The following NIPBL variants were observed in gnomAD, a reference collection of about 807,000 sequenced individuals.
The protein encoded by NIPBL is nipped-B-like protein.
In NIPBL, 19 loss-of-function variants were observed where a neutral mutation model predicts 321.8. That is an observed-to-expected ratio of 0.06 (90% CI 0.04 to 0.09). NIPBL has a LOEUF of 0.09. Ranked by LOEUF, NIPBL falls within the 10% of genes least tolerant of loss-of-function variation. NIPBL has a pLI of 1.00. For synonymous variants in NIPBL, 1,106 were observed against 1,114.1 expected (o/e 0.99, Z 0.14); for missense variants, 2,210 against 3,327.0 (o/e 0.66, Z 8.26).
At chr5:36,941,714 A>G (rs1739081051) in intron 1 of NIPBL, among the ~76,000 whole-genome samples, 1 of 152,144 alleles carries the variant, frequency 6.6e-6, no homozygotes, top group Non-Finnish European at 1.5e-5. Context: ...TGTGTTTCAC[A>G]GTAAGTTTAC....
chr5:36,994,299 T>G (rs1745883662), intron 10 of NIPBL, among the ~76,000 whole-genome samples: 2 of 152,120 alleles, frequency 1.3e-5, no homozygotes, highest in Non-Finnish European at 2.9e-5. Flanking sequence ...GTAAAATTGT[T>G]CCTATGCATG....
chr5:36,877,622 G>T (rs759799270), intron 1 of NIPBL, among the ~76,000 whole-genome samples: 17 of 152,212 alleles, frequency 1.1e-4, no homozygotes, highest in Non-Finnish European at 1.3e-4. Flanking sequence ...TTCCCGGTCC[G>T]GGAGTGGGGA....
At chr5:36,963,629 C>G (rs530681450) in intron 6 of NIPBL, among the ~76,000 whole-genome samples, 1 of 150,942 alleles carries the variant, frequency 6.6e-6, no homozygotes, top group Non-Finnish European at 1.5e-5. Context: ...TAGTGGGACC[C>G]TGTCTCTACA....
chr5:36,890,349 G>A (rs1411879698), intron 1 of NIPBL, among the ~76,000 whole-genome samples: 1 of 151,996 alleles, frequency 6.6e-6, no homozygotes, highest in Non-Finnish European at 1.5e-5. Context: ...ACATTTTTAT[G>A]GCCTTTAATA....
At chr5:37,033,722 A>ATTTTTT (rs1751358017) in intron 32 of NIPBL, among the ~76,000 whole-genome samples, 1 of 81,554 alleles carries the variant, frequency 1.2e-5, no homozygotes, top group Admixed American at 1.5e-4. Flanking sequence ...ATATATATAT[A>ATTTTTT]TATATATATT....
intron 9 of NIPBL, among the ~76,000 whole-genome samples, chr5:36,977,474 T>C (rs1469145245): frequency 6.6e-6 from 1 of 151,838 alleles, no homozygotes; most frequent in Non-Finnish European, 1.5e-5. Context: ...TGAAAAAAAA[T>C]GGACTGTATT....
In NIPBL at chr5:37,029,262, A is replaced by G. The variant is rs74872678; in HGVS notation, c.5862+1850A>G. Among the ~76,000 whole-genome samples the G allele has an allele frequency of 7.6e-4, 115 of 152,310 alleles. No individual in the cohort carries two copies. In the East Asian group the frequency reaches 0.02, roughly 27 times the overall value. On this transcript the variant is annotated intron_variant, in intron 32 of 46. Coordinates refer to ENST00000282516, the MANE Select transcript of NIPBL (RefSeq NM_133433.4). ...TGATCCTCTCTTCCTGGCCCTAGAA[A>G]ACTATTGATCTACTTTTTCTCACTG...
intron 8 of NIPBL, among the ~76,000 whole-genome samples, chr5:36,975,267 A>G (rs942348193): frequency 2.6e-5 from 4 of 152,142 alleles, no homozygotes; most frequent in Admixed American, 2.6e-4. Flanking sequence ...TAAATTGACC[A>G]CTTGCTTTTT....
chr5:36,977,030 TA>T (rs1474725327), intron 9 of NIPBL, among the ~76,000 whole-genome samples: 1 of 152,018 alleles, frequency 6.6e-6, no homozygotes. Context: ...ATACCTGGTC[TA>T]TGAGTTTATG....
At chr5:37,035,402 G>C (rs529052534) in intron 32 of NIPBL, among the ~76,000 whole-genome samples, 1 of 152,318 alleles carries the variant, frequency 6.6e-6, no homozygotes, top group South Asian at 2.1e-4. Context: ...CTTCAAATTG[G>C]AGGAAAAGGG....
At chr5:36,958,015 C>A in intron 3 of NIPBL, 89 bp from the exon 4 acceptor site, 2 of 1,289,442 alleles carry the variant, frequency 1.6e-6, no homozygotes, top group African/African-American at 1.5e-5. Context: ...ATATTGTTGG[C>A]CATACCAGTG....
intron 11 of NIPBL, among the ~76,000 whole-genome samples, chr5:36,998,674 A>G (rs1399143738): frequency 1.3e-5 from 2 of 152,104 alleles, no homozygotes; most frequent in South Asian, 2.1e-4. Flanking sequence ...GTGCTTTCTG[A>G]AGAAGTTTGC....
chr5:37,013,044 A>AC (rs529922831), intron 21 of NIPBL, among the ~76,000 whole-genome samples: 26,420 of 126,404 alleles, frequency 0.21, 3,005 homozygotes, highest in African/African-American at 0.35. Context: ...CGGGGGGCTG[A>AC]CCCCCCCCCA....
chr5:36,985,518 T>G lies in NIPBL; in HGVS notation c.2338T>G (p.Ser780Ala), dbSNP rs773990755. ...ATCTACAGAGAAAAAACCTGAAGTG[T>G]CTAAACATAAACAAGATACTAAATC... Reference protein sequence around the residue: ...KPSTEKKPEVSKHKQDTKSDS... With the variant: ...KPSTEKKPEVAKHKQDTKSDS... Residue 780 changes from serine (S) to alanine (A), a missense_variant, in exon 10 of 47, where the codon TCT becomes GCT. Coordinates refer to ENST00000282516, the MANE Select transcript of NIPBL (RefSeq NM_133433.4). 8 of 1,613,190 alleles carry G rather than the reference T, an allele frequency of 5.0e-6. No homozygotes were observed. In the African/African-American group the frequency reaches 9.4e-5, roughly 19 times the overall value.
At chr5:36,895,341 A>G (rs140081258) in intron 1 of NIPBL, among the ~76,000 whole-genome samples, 2 of 152,334 alleles carry the variant, frequency 1.3e-5, no homozygotes, top group African/African-American at 4.8e-5. Flanking sequence ...TTGTATGGAT[A>G]TACCACATTT....
intron 1 of NIPBL, chr5:36,885,389 G>A: frequency 2.2e-6 from 1 of 453,946 alleles, no homozygotes; most frequent in South Asian, 1.7e-5. Flanking sequence ...GGGGTCCAGG[G>A]GCCTGGCCAA....
At chr5:36,994,400 TTTCA>T (rs1745894326) in intron 10 of NIPBL, among the ~76,000 whole-genome samples, 1 of 152,164 alleles carries the variant, frequency 6.6e-6, no homozygotes, top group Non-Finnish European at 1.5e-5. Context: ...AGGGTTATTC[TTTCA>T]TTAAGATTAA....
chr5:36,906,573 T>G (rs1255720596), intron 1 of NIPBL, among the ~76,000 whole-genome samples: 1 of 152,218 alleles, frequency 6.6e-6, no homozygotes, highest in Admixed American at 6.5e-5. Flanking sequence ...TGCTTAAGAT[T>G]GTTAACTTGC....
chr5:37,012,922 C>T (rs1748346532), intron 21 of NIPBL, among the ~76,000 whole-genome samples: 1 of 152,202 alleles, frequency 6.6e-6, no homozygotes, highest in Non-Finnish European at 1.5e-5. Flanking sequence ...ACCTTTCCCC[C>T]TTTTCTATTC....
Sources: gnomAD v4.1 joint callset for allele counts (sites outside exome capture counted in the v4.1 genomes callset) on GRCh38, gnomAD v4.1.1 for gene constraint, MANE v1.5 for transcripts, NCBI Gene and HGNC (gene_info 2026-07-23, HGNC 2026-07-21) for gene names.